ESRRB: variants seen among roughly 807,000 people sequenced by gnomAD.
ESRRB encodes the protein estrogen related receptor beta, also known as steroid hormone receptor ERR2.
Under a neutral mutation model 46.0 loss-of-function variants are expected in ESRRB, and 16 were observed. That is an observed-to-expected ratio of 0.35 (90% confidence interval 0.24 to 0.53). The LOEUF is 0.53. Among genes scored for constraint, ESRRB ranks in the 20% least tolerant of loss-of-function variants. The pLI, the probability that ESRRB is intolerant of heterozygous loss-of-function variation, is 0.93. For missense variants in ESRRB, 488 were observed against 607.4 expected (o/e 0.80, Z 2.07); for synonymous variants, 246 against 259.6 (o/e 0.95, Z 0.50).
At chr14:76,446,610 C>G (rs1324868499) in intron 2 of ESRRB, among the ~76,000 whole-genome samples, 1 of 152,142 alleles carries the variant, frequency 6.6e-6, no homozygotes, top group Non-Finnish European at 1.5e-5. Flanking sequence ...TTAGGCAAAG[C>G]CACCACTCCT....
intron 2 of ESRRB, among the ~76,000 whole-genome samples, chr14:76,459,519 G>A (rs557095037): frequency 6.7e-6 from 1 of 148,876 alleles, no homozygotes; most frequent in Non-Finnish European, 1.5e-5. Flanking sequence ...GTTATGCAGA[G>A]CGAATGGAGG....
At chr14:76,330,519 C>T (rs1195447689) in intron 1 of ESRRB, among the ~76,000 whole-genome samples, 3 of 152,240 alleles carry the variant, frequency 2.0e-5, no homozygotes, top group South Asian at 2.1e-4. Flanking sequence ...GTTGCCCCCG[C>T]ACTCTGTCCT....
At chr14:76,345,034 A>G (rs1300200095) in intron 1 of ESRRB, among the ~76,000 whole-genome samples, 2 of 152,198 alleles carry the variant, frequency 1.3e-5, no homozygotes, top group Non-Finnish European at 2.9e-5. Flanking sequence ...ATAAACATGA[A>G]TGTGCAAGTA....
chr14:76,383,856 G>C (rs1316874570), intron 1 of ESRRB, among the ~76,000 whole-genome samples: 1 of 152,322 alleles, frequency 6.6e-6, no homozygotes, highest in Middle Eastern at 3.4e-3. Flanking sequence ...AACAAGAAGG[G>C]TGTAGACCTG....
At chr14:76,362,243 T>C (rs920956473) in intron 1 of ESRRB, among the ~76,000 whole-genome samples, 1 of 152,188 alleles carries the variant, frequency 6.6e-6, no homozygotes, top group Non-Finnish European at 1.5e-5. Context: ...TTTTAGAGAC[T>C]GTGGAAACAT....
intron 1 of ESRRB, among the ~76,000 whole-genome samples, chr14:76,409,757 C>A (rs72627176): frequency 0.052 from 7,837 of 151,048 alleles, 319 homozygotes; most frequent in East Asian, 0.18. Context: ...GCTGAGGGGG[C>A]TCCTTTGGGG....
intron 1 of ESRRB, among the ~76,000 whole-genome samples, chr14:76,338,381 C>T (rs1044465212): frequency 4.6e-5 from 7 of 152,158 alleles, no homozygotes; most frequent in Admixed American, 2.6e-4. Context: ...CTAGCACCTC[C>T]GTGCCAGCCC....
At position 76,499,117 on chromosome 14, in the gene ESRRB, G is replaced by T. The variant is rs1890558960; in HGVS notation, c.*659G>T. ...TACCCCCCTGCCTGTCACCCACCGC[G>T]CCGGTGTCCACCTGTCCTCCTCCTC... On this transcript the variant is annotated 3_prime_UTR_variant, in exon 7 of 7. Transcript: ENST00000644823. 3.0e-6 allele frequency: 1 copy of T among 330,472 alleles called. No individual in the cohort carries two copies. 20.5% of individuals were successfully genotyped at this position (330,472 alleles called of 1,614,324 possible).
At chr14:76,439,875 C>CT (rs1887846245) in intron 2 of ESRRB, 125 bp downstream of exon 2, 1 of 1,035,026 alleles carries the variant, frequency 9.7e-7, no homozygotes, top group Non-Finnish European at 1.4e-6. Flanking sequence ...AGCGGTACTT[C>CT]TGTGGGGCGC....
At chr14:76,476,497 A>G (rs1889589706) in intron 3 of ESRRB, among the ~76,000 whole-genome samples, 1 of 152,208 alleles carries the variant, frequency 6.6e-6, no homozygotes, top group South Asian at 2.1e-4. Context: ...GGCAACTCTC[A>G]TTTCAAGTTC....
At chr14:76,471,289 G>C (rs1889364940) in intron 3 of ESRRB, among the ~76,000 whole-genome samples, 1 of 152,172 alleles carries the variant, frequency 6.6e-6, no homozygotes, top group South Asian at 2.1e-4. Flanking sequence ...TTCCTAACTG[G>C]ACTTCTGATT....
intron 1 of ESRRB, among the ~76,000 whole-genome samples, chr14:76,434,313 C>T (rs58100967): frequency 0.056 from 8,488 of 152,232 alleles, 744 homozygotes; most frequent in African/African-American, 0.19. Context: ...CCTCTCTCCC[C>T]CTCTGCTTCC....
At chr14:76,346,965 A>G (rs1050412831) in intron 1 of ESRRB, among the ~76,000 whole-genome samples, 5 of 152,180 alleles carry the variant, frequency 3.3e-5, no homozygotes, top group Non-Finnish European at 7.4e-5. Context: ...CCCAACACAC[A>G]TGCTCACAGG....
At chr14:76,318,424 T>C (rs1883827697) in intron 1 of ESRRB, among the ~76,000 whole-genome samples, 1 of 152,202 alleles carries the variant, frequency 6.6e-6, no homozygotes, top group African/African-American at 2.4e-5. Context: ...GGATAAACAT[T>C]CCTTTAAAAC....
rs980995788 is a variant in ESRRB at position 76,440,609 on chromosome 14, A to G, written c.460+859A>G. On this transcript the variant is annotated intron_variant, in intron 2 of 6. Coordinates refer to ENST00000644823, the MANE Select transcript of ESRRB (RefSeq NM_001379180.1). ...CCTTCCTCTCTCTCTCTCTCAACCCATCCTGTCTGGATCCCAGTTTGACCT... is the reference window on the plus strand; with the variant it reads ...CCTTCCTCTCTCTCTCTCTCAACCCGTCCTGTCTGGATCCCAGTTTGACCT... 3.4e-5 allele frequency among the ~76,000 whole-genome samples: 5 copies of G among 147,896 alleles called. No homozygotes were observed. The South Asian group carries it at 1.1e-3, about 32-fold the overall frequency.
intron 1 of ESRRB, among the ~76,000 whole-genome samples, chr14:76,333,078 TA>T (rs1884064233): frequency 1.1e-4 from 1 of 9,130 alleles, no homozygotes; most frequent in African/African-American, 3.7e-4. Flanking sequence ...ATATTATATA[TA>T]TTATTTATAT....
At chr14:76,460,709 A>ATTTTTTTTTTTTTTTTTTTTTTT (rs58597850) in intron 2 of ESRRB, among the ~76,000 whole-genome samples, 3 of 141,558 alleles carry the variant, frequency 2.1e-5, no homozygotes, top group Non-Finnish European at 3.0e-5. Flanking sequence ...TTCCAGTTAC[A>ATTTTTTTTTTTTTTTTTTTTTTT]TTTTTTTTTG....
chr14:76,397,503 G>A (rs1885742267), intron 1 of ESRRB, among the ~76,000 whole-genome samples: 1 of 152,328 alleles, frequency 6.6e-6, no homozygotes. Context: ...GGGAATCCCA[G>A]CTTCAGTCAC....
intron 5 of ESRRB, among the ~76,000 whole-genome samples, chr14:76,484,698 C>A (rs1400855369): frequency 1.3e-5 from 2 of 151,638 alleles, no homozygotes; most frequent in East Asian, 1.9e-4. Flanking sequence ...TTTCCACCTC[C>A]CAGCTCCATC....
Sources: gnomAD v4.1 joint callset for allele counts (sites outside exome capture counted in the v4.1 genomes callset) on GRCh38, gnomAD v4.1.1 for gene constraint, MANE v1.5 for transcripts, NCBI Gene and HGNC (gene_info 2026-07-23, HGNC 2026-07-21) for gene names.